The following FBXL20 variants were observed in gnomAD, a reference collection of about 807,000 sequenced individuals.
The protein encoded by FBXL20 is F-box/LRR-repeat protein 20.
FBXL20 carries 11 observed loss-of-function variants against 64.0 expected under a neutral mutation model. That is an observed-to-expected ratio of 0.17 (90% CI 0.11 to 0.28). FBXL20 has a LOEUF of 0.28. FBXL20 is among the 10% of genes least tolerant of loss of function. The pLI, the probability that FBXL20 is intolerant of heterozygous loss-of-function variation, is 1.00. For synonymous variants in FBXL20, 184 were observed against 189.0 expected (o/e 0.97, Z 0.22); for missense variants, 303 against 526.2 (o/e 0.58, Z 4.15).
At chr17:39,321,345 G>A (rs971637296) in intron 2 of FBXL20, among the ~76,000 whole-genome samples, 4 of 151,498 alleles carry the variant, frequency 2.6e-5, no homozygotes, top group African/African-American at 4.9e-5. Context: ...CCAGCTAGTC[G>A]GGAGGCTGAG....
chr17:39,341,566 G>T (rs2047583517), intron 2 of FBXL20, among the ~76,000 whole-genome samples: 1 of 152,124 alleles, frequency 6.6e-6, no homozygotes, highest in Non-Finnish European at 1.5e-5. Flanking sequence ...ATGTGACTGT[G>T]TATATATATG....
chr17:39,397,937 C>G lies in FBXL20; in HGVS notation c.42+3424G>C, dbSNP rs34623336. Reference sequence around the variant, plus strand: ...TGAACACCTTACTTAACCTCTCAGGCCTTCACTTTCCTCAAGTGTAAAACA... The same window carrying G: ...TGAACACCTTACTTAACCTCTCAGGGCTTCACTTTCCTCAAGTGTAAAACA... On this transcript the variant is annotated intron_variant, in intron 1 of 14. Coordinates refer to ENST00000264658, the MANE Select transcript of FBXL20 (RefSeq NM_032875.3). Among the ~76,000 whole-genome samples, 419 of 151,180 alleles carry G rather than the reference C, an allele frequency of 2.8e-3. 4 individuals carry two copies. Among genetic ancestry groups the G allele is most frequent in the African/African-American group, 9.7e-3 (400 of 41,204 alleles).
intron 2 of FBXL20, among the ~76,000 whole-genome samples, chr17:39,332,536 CTTTTTTTT>C (rs58827473): frequency 2.7e-4 from 26 of 96,964 alleles, no homozygotes; most frequent in African/African-American, 1.0e-3. Flanking sequence ...TTCTTTGTAT[CTTTTTTTT>C]TTTTTTTTTT....
At position 39,256,487 on chromosome 17, in the gene FBXL20, G is replaced by A. The variant is rs982775182; in HGVS notation, c.*4973C>T. 2 of 151,998 alleles carry A rather than the reference G, an allele frequency of 1.3e-5. No individual in the cohort carries two copies. Among genetic ancestry groups the A allele is most frequent in the East Asian group, 3.8e-4 (2 of 5,198 alleles). The allele number at this position is 151,998 out of a possible 1,614,324, so 9.4% of individuals were successfully genotyped here. ...ACATCCTACATTTCTTCTCAAACAG[G>A]ACTTGGCTAATTCACAGTGCCTGGG... is the stretch of plus-strand genomic sequence containing the variant. On this transcript the variant is annotated 3_prime_UTR_variant, in exon 15 of 15. Transcript: ENST00000264658.
chr17:39,398,192 G>C (rs530117958), intron 1 of FBXL20, among the ~76,000 whole-genome samples: 1 of 152,164 alleles, frequency 6.6e-6, no homozygotes, highest in African/African-American at 2.4e-5. Context: ...TGAGGCAGTA[G>C]AATCGCTTAA....
intron 2 of FBXL20, among the ~76,000 whole-genome samples, chr17:39,320,104 TTG>T (rs2047341094): frequency 6.6e-6 from 1 of 152,202 alleles, no homozygotes; most frequent in Non-Finnish European, 1.5e-5. Context: ...CACACAGATT[TTG>T]TTTCTTATAT....
In FBXL20 at chr17:39,366,059, C is replaced by G. The variant is rs564356659; in HGVS notation, c.43-22818G>C. Among the ~76,000 whole-genome samples the G allele has an allele frequency of 1.4e-3, 216 of 151,932 alleles. 2 individuals are homozygous for G. The highest frequency in any genetic ancestry group is 4.9e-3 in the African/African-American group (204 of 41,416). ...GAAGTAGACTGGCTATTCACAGGAG[C>G]GATCATAGTACACCCTCAAGCAATC... On this transcript the variant is annotated intron_variant, in intron 1 of 14. Transcript: ENST00000264658.
intron 1 of FBXL20, among the ~76,000 whole-genome samples, chr17:39,376,595 AACTG>A (rs927661562): frequency 2.0e-5 from 3 of 152,164 alleles, no homozygotes; most frequent in African/African-American, 7.2e-5. Context: ...CAGAGTTGTA[AACTG>A]ACTGGCCGTG....
chr17:39,335,920 T>C (rs1421129853), intron 2 of FBXL20, among the ~76,000 whole-genome samples: 1 of 152,104 alleles, frequency 6.6e-6, no homozygotes, highest in East Asian at 1.9e-4. Flanking sequence ...GGGAGAGAAT[T>C]GCTTGAGGCC....
intron 2 of FBXL20, among the ~76,000 whole-genome samples, chr17:39,324,100 A>C (rs2047386339): frequency 6.9e-6 from 1 of 145,026 alleles, no homozygotes; most frequent in South Asian, 2.1e-4. Flanking sequence ...TTTCAAATGA[A>C]GGCATGTCCC....
intron 2 of FBXL20, among the ~76,000 whole-genome samples, chr17:39,322,115 T>C (rs1597796965): frequency 7.9e-6 from 1 of 126,836 alleles, no homozygotes; most frequent in African/African-American, 3.1e-5. Context: ...CACTTGAGGG[T>C]AGAAGTTCGT....
At chr17:39,393,575 C>G (rs2048155550) in intron 1 of FBXL20, among the ~76,000 whole-genome samples, 1 of 151,934 alleles carries the variant, frequency 6.6e-6, no homozygotes, top group South Asian at 2.1e-4. Context: ...TTTGTTTTGA[C>G]CAGAAATTCC....
rs1004985715 is a variant in FBXL20, at chr17:39,255,503, C to T, written c.*5957G>A. On this transcript the variant is annotated 3_prime_UTR_variant, in exon 15 of 15. Transcript: ENST00000264658. Reference sequence around the variant, plus strand: ...TGAGGGGGAAGCTGCAGAAGCCCATCATGCAAGAAACTCACTTGCCTCTTA... The same window carrying T: ...TGAGGGGGAAGCTGCAGAAGCCCATTATGCAAGAAACTCACTTGCCTCTTA... The T allele has an allele frequency of 4.0e-5, 6 of 151,850 alleles. No homozygotes were observed. Among genetic ancestry groups the T allele is most frequent in the African/African-American group, 1.5e-4 (6 of 41,304 alleles). 9.4% of individuals were successfully genotyped at this position (151,850 alleles called of 1,614,324 possible). A position where few individuals can be genotyped will look rare whatever the true frequency, so the allele number is the denominator to read the frequency against.
At chr17:39,292,782 T>TG (rs1297209291) in intron 6 of FBXL20, among the ~76,000 whole-genome samples, 2 of 151,652 alleles carry the variant, frequency 1.3e-5, no homozygotes, top group Non-Finnish European at 2.9e-5. Flanking sequence ...GCTTTGCATA[T>TG]GTCTTATAAT....
intron 6 of FBXL20, among the ~76,000 whole-genome samples, chr17:39,290,996 C>T (rs1405823678): frequency 8.0e-5 from 12 of 150,442 alleles, no homozygotes. Flanking sequence ...GAGTGTCGCT[C>T]TGTCGCCCAG....
At chr17:39,322,751 AAAAC>A (rs1376278415) in intron 2 of FBXL20, among the ~76,000 whole-genome samples, 3 of 152,154 alleles carry the variant, frequency 2.0e-5, no homozygotes, top group East Asian at 1.9e-4. Flanking sequence ...GGAAATAAAA[AAAAC>A]AAACAACAAA....
chr17:39,281,115 GAC>G (rs1044303156), intron 9 of FBXL20, among the ~76,000 whole-genome samples: 51 of 152,274 alleles, frequency 3.3e-4, no homozygotes, highest in African/African-American at 1.2e-3. Flanking sequence ...TTTAAAAGTA[GAC>G]AGTTTTTTTA....
intron 4 of FBXL20, among the ~76,000 whole-genome samples, chr17:39,300,395 A>G (rs925725009): frequency 7.9e-5 from 12 of 152,196 alleles, no homozygotes; most frequent in Non-Finnish European, 1.2e-4. Context: ...GATGAGAAGG[A>G]TAAGAAAAAC....
chr17:39,361,615 G>A (rs984138704), intron 1 of FBXL20, among the ~76,000 whole-genome samples: 1 of 151,888 alleles, frequency 6.6e-6, no homozygotes, highest in Non-Finnish European at 1.5e-5. Context: ...GGCTAACACT[G>A]TGAAACCCTG....
Sources: gnomAD v4.1 joint callset for allele counts (sites outside exome capture counted in the v4.1 genomes callset) on GRCh38, gnomAD v4.1.1 for gene constraint, MANE v1.5 for transcripts, NCBI Gene and HGNC (gene_info 2026-07-23, HGNC 2026-07-21) for gene names.